The following NPAS3 variants were observed in gnomAD, a reference collection of about 807,000 sequenced individuals.
NPAS3 encodes the protein neuronal PAS domain protein 3.
Under a neutral mutation model 73.1 loss-of-function variants are expected in NPAS3, and 14 were observed. That is an observed-to-expected ratio of 0.19 (90% confidence interval 0.13 to 0.30). NPAS3 has a LOEUF of 0.30. NPAS3 is among the 10% of genes least tolerant of loss of function. NPAS3 has a pLI of 1.00. For synonymous variants in NPAS3, 620 were observed against 541.5 expected (o/e 1.14, Z -2.01); for missense variants, 1,096 against 1,250.0 (o/e 0.88, Z 1.86).
chr14:33,540,453 G>A (rs1006253024), intron 4 of NPAS3, among the ~76,000 whole-genome samples: 3 of 152,114 alleles, frequency 2.0e-5, no homozygotes, highest in African/African-American at 4.8e-5. Context: ...ATCCTTGCAC[G>A]CTGGGAAGAA....
chr14:33,305,520 T>C (rs3861473), intron 3 of NPAS3, among the ~76,000 whole-genome samples: 43,255 of 152,030 alleles, frequency 0.28, 6,307 homozygotes, highest in Middle Eastern at 0.37. Context: ...GATGAGTTTT[T>C]GTAAGTCAGA....
At position 33,083,178 on chromosome 14, in the gene NPAS3, C is replaced by CAAAAAA. The variant is rs57147759; in HGVS notation, c.140+27215_140+27220dup. Among the ~76,000 whole-genome samples the CAAAAAA allele has an allele frequency of 1.8e-4, 12 of 65,016 alleles. 1 individual carries two copies. Among genetic ancestry groups the CAAAAAA allele is most frequent in the Non-Finnish European group, 3.1e-4 (9 of 29,242 alleles). 42.7% of individuals were successfully genotyped at this position (65,016 alleles called of 152,430 possible). Reference sequence around the variant, plus strand: ...AGCCTGGGTAATGGCGAGACTGTCTCAAAAAAAAAAAAAAAAAAAAAAAAA... The same window carrying CAAAAAA: ...AGCCTGGGTAATGGCGAGACTGTCTCAAAAAAAAAAAAAAAAAAAAAAAAAAAAAAA... On this transcript the variant is annotated intron_variant, in intron 2 of 11. Transcript: ENST00000356141.
At chr14:33,506,561 A>T (rs185386205) in intron 4 of NPAS3, among the ~76,000 whole-genome samples, 24 of 152,176 alleles carry the variant, frequency 1.6e-4, no homozygotes, top group African/African-American at 5.5e-4. Flanking sequence ...TCACAGTCTG[A>T]CATTTTTCCA....
At chr14:32,996,489 T>C (rs12101217) in intron 1 of NPAS3, among the ~76,000 whole-genome samples, 23,169 of 152,046 alleles carry the variant, frequency 0.15, 1,925 homozygotes, top group African/African-American at 0.22. Context: ...CCCAGAGGCC[T>C]AGGAGGAAAA....
upstream of NPAS3, among the ~76,000 whole-genome samples, chr14:32,938,490 A>AGAGAAATT (rs2035789015): frequency 1.1e-5 from 1 of 92,478 alleles, no homozygotes; most frequent in African/African-American, 4.8e-5. Context: ...AGAAATTGAG[A>AGAGAAATT]GAGAGAGAGA....
chr14:33,269,816 G>C (rs893528944), intron 3 of NPAS3, among the ~76,000 whole-genome samples: 14 of 152,106 alleles, frequency 9.2e-5, no homozygotes, highest in African/African-American at 3.4e-4. Context: ...AGCAGGGAGG[G>C]GGGTATGGGG....
chr14:33,475,193 G>A (rs1253536224), intron 4 of NPAS3, among the ~76,000 whole-genome samples: 3 of 152,172 alleles, frequency 2.0e-5, no homozygotes, highest in South Asian at 2.1e-4. Context: ...TAAATAAAAC[G>A]AAAAGAGAAG....
chr14:33,116,681 C>T (rs928323928), intron 2 of NPAS3, among the ~76,000 whole-genome samples: 8 of 152,040 alleles, frequency 5.3e-5, no homozygotes, highest in Non-Finnish European at 1.0e-4. Context: ...AAAAGTTGTG[C>T]CAGGCTTCTA....
At chr14:33,754,705 C>T (rs191585121) in intron 7 of NPAS3, among the ~76,000 whole-genome samples, 5 of 152,290 alleles carry the variant, frequency 3.3e-5, no homozygotes, top group Admixed American at 2.0e-4. Context: ...TCCCCAAGAA[C>T]AAATACCACA....
intron 3 of NPAS3, among the ~76,000 whole-genome samples, chr14:33,298,249 C>T (rs551022498): frequency 6.6e-6 from 1 of 152,312 alleles, no homozygotes; most frequent in East Asian, 1.9e-4. Flanking sequence ...TACCACCGCG[C>T]TCCAGCCTGG....
At chr14:33,122,684 A>T (rs1008623368) in intron 2 of NPAS3, among the ~76,000 whole-genome samples, 5 of 152,114 alleles carry the variant, frequency 3.3e-5, no homozygotes, top group Non-Finnish European at 7.4e-5. Flanking sequence ...AGGGGGCTCA[A>T]ATGTTTAATT....
chr14:33,788,589 A>G (rs7144679), intron 9 of NPAS3, among the ~76,000 whole-genome samples: 3 of 152,222 alleles, frequency 2.0e-5, no homozygotes, highest in African/African-American at 7.2e-5. Flanking sequence ...ACTATTTAGA[A>G]TCTTTGGCTT....
intron 3 of NPAS3, among the ~76,000 whole-genome samples, chr14:33,324,927 C>G (rs2043624195): frequency 6.6e-6 from 1 of 152,048 alleles, no homozygotes; most frequent in Non-Finnish European, 1.5e-5. Context: ...CAGCTCATCA[C>G]TGTTATTGTT....
At chr14:33,639,019 G>T (rs936496560) in intron 5 of NPAS3, among the ~76,000 whole-genome samples, 2 of 152,156 alleles carry the variant, frequency 1.3e-5, no homozygotes, top group African/African-American at 4.8e-5. Context: ...ACTCAGACTT[G>T]TGTCCAAGGC....
intron 1 of NPAS3, among the ~76,000 whole-genome samples, chr14:32,975,996 A>G (rs1202220203): frequency 6.6e-6 from 1 of 152,068 alleles, no homozygotes; most frequent in Admixed American, 6.6e-5. Flanking sequence ...CAACTATGAC[A>G]GAGCAAAGAC....
intron 2 of NPAS3, among the ~76,000 whole-genome samples, chr14:33,187,828 A>G (rs1386014417): frequency 6.6e-6 from 1 of 152,166 alleles, no homozygotes; most frequent in African/African-American, 2.4e-5. Flanking sequence ...TATATTTTTA[A>G]TCATCACGGC....
intron 3 of NPAS3, among the ~76,000 whole-genome samples, chr14:33,354,453 C>T (rs2045237980): frequency 6.6e-6 from 1 of 152,164 alleles, no homozygotes; most frequent in Non-Finnish European, 1.5e-5. Context: ...TTTGCTGGTT[C>T]CCCGCTTCTG....
At chr14:33,568,336 C>A (rs1017942653) in intron 5 of NPAS3, among the ~76,000 whole-genome samples, 2 of 152,096 alleles carry the variant, frequency 1.3e-5, no homozygotes, top group Non-Finnish European at 2.9e-5. Context: ...AATATAATGT[C>A]CCTGGTTTTC....
intron 4 of NPAS3, among the ~76,000 whole-genome samples, chr14:33,400,487 T>A (rs1358893527): frequency 6.6e-6 from 1 of 152,162 alleles, no homozygotes; most frequent in East Asian, 1.9e-4. Flanking sequence ...CAGCATTAAC[T>A]AAAGGCGAAG....
Sources: allele counts gnomAD v4.1 joint callset (sites outside exome capture counted in the v4.1 genomes callset), GRCh38; gene constraint gnomAD v4.1.1; transcripts MANE v1.5; gene names NCBI Gene and HGNC (gene_info 2026-07-23, HGNC 2026-07-21).